Variants in PIAS1 observed in about 807,000 individuals in gnomAD.
The protein encoded by PIAS1 is E3 SUMO-protein ligase PIAS1.
Under a neutral mutation model 71.3 loss-of-function variants are expected in PIAS1, and 6 were observed. The observed-to-expected ratio is 0.08, with a 90% CI of 0.05 to 0.17. The LOEUF is 0.17. PIAS1 is among the 10% of genes least tolerant of loss of function. PIAS1 has a pLI of 1.00. For synonymous variants in PIAS1, 303 were observed against 292.9 expected, an observed-to-expected ratio of 1.03 and a Z score of -0.35; for missense variants, 555 against 793.6, an observed-to-expected ratio of 0.70 and a Z score of 3.61.
intron 2 of PIAS1, among the ~76,000 whole-genome samples, chr15:68,097,536 G>A (rs1271204382): frequency 6.6e-6 from 1 of 152,094 alleles, no homozygotes; most frequent in East Asian, 1.9e-4. Context: ...CAGTTCAAGT[G>A]ATTCTTCTGC....
intron 1 of PIAS1, among the ~76,000 whole-genome samples, chr15:68,058,184 T>C (rs980022003): frequency 6.6e-6 from 1 of 152,252 alleles, no homozygotes; most frequent in African/African-American, 2.4e-5. Context: ...TGATGAGATG[T>C]AGCCTTTCAA....
chr15:68,157,635 G>A (rs1304562554), intron 7 of PIAS1, among the ~76,000 whole-genome samples: 2 of 152,082 alleles, frequency 1.3e-5, no homozygotes, highest in African/African-American at 4.8e-5. Context: ...TTTCTTCTCT[G>A]ACCATATCTT....
intron 4 of PIAS1, among the ~76,000 whole-genome samples, chr15:68,143,558 G>A (rs1294461075): frequency 1.3e-5 from 2 of 152,118 alleles, no homozygotes; most frequent in Non-Finnish European, 2.9e-5. Flanking sequence ...TGCTAAAGAT[G>A]ATTCTGTATA....
chr15:68,078,559 C>T (rs547115198), intron 1 of PIAS1, among the ~76,000 whole-genome samples: 2 of 152,294 alleles, frequency 1.3e-5, no homozygotes, highest in Admixed American at 1.3e-4. Flanking sequence ...TCACCCATTT[C>T]CTGTCCGTGT....
intron 2 of PIAS1, among the ~76,000 whole-genome samples, chr15:68,088,282 T>C (rs922886997): frequency 4.6e-5 from 7 of 150,678 alleles, no homozygotes. Flanking sequence ...TGTGTACATA[T>C]GTGTTATGTA....
intron 2 of PIAS1, among the ~76,000 whole-genome samples, chr15:68,134,501 C>A (rs1181686101): frequency 7.7e-5 from 4 of 51,840 alleles, no homozygotes; most frequent in South Asian, 5.3e-4. Flanking sequence ...CTGACCCCCC[C>A]CACTGCCCTC....
intron 2 of PIAS1, among the ~76,000 whole-genome samples, chr15:68,130,021 GA>G (rs1170049349): frequency 3.3e-5 from 5 of 151,556 alleles, no homozygotes; most frequent in Non-Finnish European, 7.4e-5. Flanking sequence ...TCTATAATTG[GA>G]AATAAAAAAG....
At chr15:68,141,116 T>C in intron 2 of PIAS1, among the ~76,000 whole-genome samples, 1 of 152,196 alleles carries the variant, frequency 6.6e-6, no homozygotes, top group East Asian at 1.9e-4. Context: ...GGCAGGAGGA[T>C]CACTTTGAGC....
intron 7 of PIAS1, among the ~76,000 whole-genome samples, chr15:68,156,475 G>A (rs911113586): frequency 2.7e-5 from 4 of 148,362 alleles, no homozygotes; most frequent in African/African-American, 4.9e-5. Flanking sequence ...AGGCCGAGGC[G>A]GGTAGATCAC....
intron 4 of PIAS1, among the ~76,000 whole-genome samples, chr15:68,143,540 G>A (rs2092786920): frequency 6.6e-6 from 1 of 152,070 alleles, no homozygotes. Context: ...TTCAGTTTTG[G>A]AAGGCACTGC....
chr15:68,134,957 G>A (rs1341277882), intron 2 of PIAS1, among the ~76,000 whole-genome samples: 15 of 50,322 alleles, frequency 3.0e-4, no homozygotes, highest in African/African-American at 6.3e-4. Context: ...CGGGGCGGCC[G>A]GCCGGGGGGG....
intron 2 of PIAS1, among the ~76,000 whole-genome samples, chr15:68,097,543 C>A (rs1002588850): frequency 6.6e-6 from 1 of 152,168 alleles, no homozygotes; most frequent in Non-Finnish European, 1.5e-5. Flanking sequence ...AGTGATTCTT[C>A]TGCCTCAGCC....
intron 2 of PIAS1, among the ~76,000 whole-genome samples, chr15:68,098,718 A>T (rs1025730535): frequency 6.6e-6 from 1 of 152,242 alleles, no homozygotes; most frequent in Admixed American, 6.5e-5. Context: ...TATTTGCCTC[A>T]TTCTTTTTTA....
intron 11 of PIAS1, among the ~76,000 whole-genome samples, chr15:68,177,291 A>AG (rs1555434125): frequency 1.3e-5 from 2 of 151,692 alleles, no homozygotes; most frequent in Non-Finnish European, 2.9e-5. Flanking sequence ...AAAAAAAAAA[A>AG]AAAAAAGAAA....
chr15:68,133,363 G>A (rs533396718), intron 2 of PIAS1, among the ~76,000 whole-genome samples: 32 of 152,130 alleles, frequency 2.1e-4, no homozygotes, highest in Middle Eastern at 3.4e-3. Flanking sequence ...TAGGTTTATT[G>A]TAATTCTATT....
rs1214631546 is a variant in PIAS1, at chr15:68,134,322, C to T, written c.470-7624C>T. On this transcript the variant is annotated intron_variant, in intron 2 of 13. Transcript: ENST00000249636. Reference sequence around the variant, plus strand: ...CCCAGTAGGGGCGGCCGGGCAGAGGCGCCCCTCATCTCCCAGACGAGGCGG... The same window carrying T: ...CCCAGTAGGGGCGGCCGGGCAGAGGTGCCCCTCATCTCCCAGACGAGGCGG... Among the ~76,000 whole-genome samples, 18 of 31,244 alleles carry T rather than the reference C, an allele frequency of 5.8e-4. 4 individuals carry two copies. Among genetic ancestry groups the T allele is most frequent in the Non-Finnish European group, 8.3e-4 (6 of 7,272 alleles). 20.5% of individuals were successfully genotyped at this position (31,244 alleles called of 152,430 possible). A position where few individuals can be genotyped will look rare whatever the true frequency, so the allele number is the denominator to read the frequency against.
intron 1 of PIAS1, among the ~76,000 whole-genome samples, chr15:68,059,866 CTG>C (rs1259838442): frequency 6.6e-6 from 1 of 152,168 alleles, no homozygotes; most frequent in Non-Finnish European, 1.5e-5. Flanking sequence ...GTGTGAGACA[CTG>C]TGCCTCTGTG....
At chr15:68,159,004 T>C (rs1244637462) in intron 7 of PIAS1, among the ~76,000 whole-genome samples, 1 of 152,172 alleles carries the variant, frequency 6.6e-6, no homozygotes, top group Non-Finnish European at 1.5e-5. Context: ...CTCCTGTAGC[T>C]CATGACAACA....
intron 2 of PIAS1, among the ~76,000 whole-genome samples, chr15:68,104,854 A>C (rs1232630809): frequency 2.0e-5 from 3 of 152,186 alleles, no homozygotes; most frequent in African/African-American, 7.2e-5. Context: ...CTGACAGAAG[A>C]AGCATTTTCC....
Sources: allele counts gnomAD v4.1 joint callset (sites outside exome capture counted in the v4.1 genomes callset), GRCh38; gene constraint gnomAD v4.1.1; transcripts MANE v1.5; gene names NCBI Gene and HGNC (gene_info 2026-07-23, HGNC 2026-07-21).